Variants in FHIT observed in about 807,000 individuals in gnomAD.
The protein encoded by FHIT is bis(5'-adenosyl)-triphosphatase.
A neutral mutation model predicts 17.9 loss-of-function variants in FHIT; 19 were observed. The ratio of observed to expected loss-of-function variants is 1.06; its 90% CI spans 0.74 to 1.56. The LOEUF (loss-of-function observed/expected upper bound fraction) is 1.56, where lower values mean the gene tolerates loss of function less well. Among genes scored for constraint, FHIT ranks in the 40% most tolerant of loss-of-function variants. The pLI is 0.00. For synonymous variants in FHIT, 81 were observed against 69.7 expected (o/e 1.16, Z -0.81); for missense variants, 248 against 189.2 (o/e 1.31, Z -1.82).
At chr3:60,861,959 A>AG (rs1553752751) in intron 3 of FHIT, among the ~76,000 whole-genome samples, 1 of 151,250 alleles carries the variant, frequency 6.6e-6, no homozygotes, top group Non-Finnish European at 1.5e-5. Context: ...AAAAAAAAAA[A>AG]GGCCGGTTTG....
chr3:60,250,800 G>T (rs1036535975), intron 5 of FHIT, among the ~76,000 whole-genome samples: 1 of 151,968 alleles, frequency 6.6e-6, no homozygotes, highest in Non-Finnish European at 1.5e-5. Flanking sequence ...ATTTTCAATC[G>T]ACAATGAGAC....
chr3:60,623,416 G>C (rs1405918305), intron 4 of FHIT, among the ~76,000 whole-genome samples: 1 of 152,128 alleles, frequency 6.6e-6, no homozygotes, highest in African/African-American at 2.4e-5. Context: ...AAGTAATCTA[G>C]CCACAGTCCC....
chr3:60,482,395 C>T (rs982389360), intron 5 of FHIT, among the ~76,000 whole-genome samples: 8 of 152,130 alleles, frequency 5.3e-5, no homozygotes, highest in East Asian at 3.9e-4. Context: ...CTCAGTTCCA[C>T]GTGGCATTAT....
intron 1 of FHIT, among the ~76,000 whole-genome samples, chr3:61,234,898 A>G (rs1377229155): frequency 6.6e-6 from 1 of 152,226 alleles, no homozygotes; most frequent in East Asian, 1.9e-4. Flanking sequence ...TGATAAAGAA[A>G]TTTTATTTCC....
At position 60,423,667 on chromosome 3, in the gene FHIT, C is replaced by T. The variant is rs182820160; in HGVS notation, c.103+113193G>A. Reference sequence around the variant, plus strand: ...ACTTCTCAGGCATTTAAGGCAATGGCGCAATAATATTCAAAAATTGTTAAA... The same window carrying T: ...ACTTCTCAGGCATTTAAGGCAATGGTGCAATAATATTCAAAAATTGTTAAA... On this transcript the variant is annotated intron_variant, in intron 5 of 9. Coordinates refer to ENST00000492590, the MANE Select transcript of FHIT (RefSeq NM_002012.4). Among the ~76,000 whole-genome samples the T allele has an allele frequency of 4.4e-4, 67 of 152,118 alleles. No homozygotes were observed. In the East Asian group the frequency reaches 0.012, roughly 26 times the overall value.
intron 4 of FHIT, among the ~76,000 whole-genome samples, chr3:60,591,359 T>C (rs142425630): frequency 4.5e-3 from 681 of 151,196 alleles, no homozygotes; most frequent in Admixed American, 8.0e-3. Context: ...TAATGAGAGA[T>C]AGTCTTAGAG....
chr3:60,685,374 CT>C (rs1224074946), intron 4 of FHIT, among the ~76,000 whole-genome samples: 5 of 152,130 alleles, frequency 3.3e-5, no homozygotes, highest in Admixed American at 3.3e-4. Context: ...CATCCTCTTT[CT>C]TTTTTCTGGA....
chr3:60,061,672 C>A (rs1020113205), intron 5 of FHIT, among the ~76,000 whole-genome samples: 1 of 152,118 alleles, frequency 6.6e-6, no homozygotes, highest in South Asian at 2.1e-4. Flanking sequence ...TAAAATATTG[C>A]AAGTCAAGTA....
At chr3:60,662,470 A>T (rs1226799776) in intron 4 of FHIT, among the ~76,000 whole-genome samples, 2 of 152,064 alleles carry the variant, frequency 1.3e-5, no homozygotes, top group African/African-American at 4.8e-5. Flanking sequence ...AAGTTGGGTA[A>T]TGAGATGCCT....
intron 2 of FHIT, among the ~76,000 whole-genome samples, chr3:61,200,135 C>T (rs1485985985): frequency 6.6e-6 from 1 of 152,186 alleles, no homozygotes; most frequent in African/African-American, 2.4e-5. Flanking sequence ...ATTAGATACA[C>T]CAAATTCAGT....
chr3:61,013,171 G>T (rs1479723375), intron 3 of FHIT, among the ~76,000 whole-genome samples: 1 of 152,004 alleles, frequency 6.6e-6, no homozygotes, highest in Non-Finnish European at 1.5e-5. Context: ...AGCAAAAAAA[G>T]AAAGAAGAAA....
chr3:60,579,108 G>A (rs944833886), intron 4 of FHIT, among the ~76,000 whole-genome samples: 1 of 152,146 alleles, frequency 6.6e-6, no homozygotes, highest in Admixed American at 6.6e-5. Context: ...GTACAGTCAT[G>A]CATTGCTTAA....
intron 5 of FHIT, among the ~76,000 whole-genome samples, chr3:60,203,156 TAG>T (rs1459039127): frequency 4.6e-5 from 7 of 152,134 alleles, no homozygotes; most frequent in Admixed American, 2.6e-4. Context: ...ATGCTAACTA[TAG>T]AGAGTTTGCA....
chr3:59,971,030 G>T (rs1708155066), intron 7 of FHIT, among the ~76,000 whole-genome samples: 1 of 152,008 alleles, frequency 6.6e-6, no homozygotes, highest in South Asian at 2.1e-4. Context: ...CAATTATGGG[G>T]TCAGAGCCCA....
At chr3:59,829,856 G>A (rs1701105968) in intron 8 of FHIT, among the ~76,000 whole-genome samples, 1 of 152,016 alleles carries the variant, frequency 6.6e-6, no homozygotes, top group Non-Finnish European at 1.5e-5. Context: ...ATTGGCCCTA[G>A]AGAGCCACCA....
intron 5 of FHIT, among the ~76,000 whole-genome samples, chr3:60,382,308 A>G (rs1443492234): frequency 6.6e-6 from 1 of 152,254 alleles, no homozygotes; most frequent in Non-Finnish European, 1.5e-5. Flanking sequence ...GTATAAAACT[A>G]CAAAATACTA....
At chr3:59,890,908 A>T (rs920837990) in intron 8 of FHIT, among the ~76,000 whole-genome samples, 5 of 152,164 alleles carry the variant, frequency 3.3e-5, no homozygotes, top group African/African-American at 1.2e-4. Context: ...TGGCTCTCAT[A>T]ATCTGTTATC....
chr3:60,359,879 T>C (rs1455669523), intron 5 of FHIT, among the ~76,000 whole-genome samples: 1 of 151,604 alleles, frequency 6.6e-6, no homozygotes, highest in Non-Finnish European at 1.5e-5. Flanking sequence ...AATCCAACAA[T>C]GATGGGAAAT....
intron 4 of FHIT, among the ~76,000 whole-genome samples, chr3:60,811,360 G>A (rs1701566585): frequency 6.6e-6 from 1 of 152,086 alleles, no homozygotes; most frequent in Admixed American, 6.6e-5. Context: ...AATAAGAAGG[G>A]TTCTTAGAGG....
Sources: allele counts gnomAD v4.1 joint callset (sites outside exome capture counted in the v4.1 genomes callset), GRCh38; gene constraint gnomAD v4.1.1; transcripts MANE v1.5; gene names NCBI Gene and HGNC (gene_info 2026-07-23, HGNC 2026-07-21).